The following SLC24A3 variants were observed in gnomAD, a reference collection of about 807,000 sequenced individuals.
The protein encoded by SLC24A3 is sodium/potassium/calcium exchanger 3.
A neutral mutation model predicts 75.8 loss-of-function variants in SLC24A3; 28 were observed. The ratio of observed to expected loss-of-function variants is 0.37; its 90% CI spans 0.27 to 0.51. The LOEUF (loss-of-function observed/expected upper bound fraction) is 0.51. Ranked by LOEUF, SLC24A3 falls within the 20% of genes least tolerant of loss-of-function variation. SLC24A3 has a pLI of 0.94. For missense variants in SLC24A3, 663 were observed against 847.8 expected (o/e 0.78, Z 2.71); for synonymous variants, 372 against 334.1 (o/e 1.11, Z -1.24).
intron 8 of SLC24A3, among the ~76,000 whole-genome samples, chr20:19,668,179 T>A (rs2032422616): frequency 6.6e-6 from 1 of 152,112 alleles, no homozygotes; most frequent in Non-Finnish European, 1.5e-5. Context: ...TGAAGAGCAT[T>A]TTGCACGTGA....
intron 6 of SLC24A3, among the ~76,000 whole-genome samples, chr20:19,602,064 C>T (rs969934735): frequency 6.6e-6 from 1 of 152,002 alleles, no homozygotes; most frequent in African/African-American, 2.4e-5. Flanking sequence ...ACCCCAGCAA[C>T]TTGGGAGGCT....
At chr20:19,375,290 C>A (rs1374807985) in intron 2 of SLC24A3, among the ~76,000 whole-genome samples, 2 of 152,204 alleles carry the variant, frequency 1.3e-5, no homozygotes, top group African/African-American at 4.8e-5. Flanking sequence ...GCTCAGAACA[C>A]CCTGTCTCAA....
chr20:19,452,162 C>G (rs182095461), intron 2 of SLC24A3, among the ~76,000 whole-genome samples: 5 of 152,268 alleles, frequency 3.3e-5, no homozygotes, highest in Admixed American at 2.0e-4. Context: ...CTTTTTCAAC[C>G]ACAGACCAAC....
At chr20:19,325,755 TAC>T (rs1219264175) in intron 2 of SLC24A3, among the ~76,000 whole-genome samples, 46 of 59,238 alleles carry the variant, frequency 7.8e-4, no homozygotes, top group African/African-American at 3.9e-3. Context: ...TGTGTGTGTA[TAC>T]ATACATACAT....
intron 2 of SLC24A3, among the ~76,000 whole-genome samples, chr20:19,470,536 C>T (rs150460857): frequency 1.3e-4 from 20 of 152,268 alleles, no homozygotes; most frequent in Admixed American, 2.0e-4. Flanking sequence ...AGCATTAAGT[C>T]TGTACGCTGA....
At chr20:19,582,420 C>T (rs2031230660) in intron 4 of SLC24A3, among the ~76,000 whole-genome samples, 1 of 152,200 alleles carries the variant, frequency 6.6e-6, no homozygotes, top group African/African-American at 2.4e-5. Flanking sequence ...CGAATCATTG[C>T]TTGGAGGTCA....
intron 2 of SLC24A3, among the ~76,000 whole-genome samples, chr20:19,346,109 GGT>G (rs1300005550): frequency 0.01 from 203 of 19,376 alleles, 24 homozygotes; most frequent in African/African-American, 0.055. Context: ...ATATATATAT[GGT>G]GTGTGTGTGT....
rs1184220699 is a variant in SLC24A3, at chr20:19,338,845, G to T, written c.271+57758G>T. Among the ~76,000 whole-genome samples the T allele has an allele frequency of 4.7e-4, 72 of 152,232 alleles. 1 individual carries two copies. Among genetic ancestry groups the T allele is most frequent in the Non-Finnish European group, 1.0e-4 (7 of 68,016 alleles). The stretch of plus-strand genomic sequence containing the variant: ...GAATAAGCCCTCACTCAATGATAGA[G>T]GTTATTAGCACGATTATTTTTATGA... On this transcript the variant is annotated intron_variant, in intron 2 of 16. Coordinates refer to ENST00000328041, the MANE Select transcript of SLC24A3 (RefSeq NM_020689.4).
chr20:19,720,821 C>T (rs1457619899), intron 16 of SLC24A3, among the ~76,000 whole-genome samples, 170 bp from the exon 17 acceptor site: 1 of 152,084 alleles, frequency 6.6e-6, no homozygotes, highest in African/African-American at 2.4e-5. Context: ...ATGTTCTCAC[C>T]TCCCACAATC....
chr20:19,582,814 C>T (rs1190236578), intron 4 of SLC24A3, among the ~76,000 whole-genome samples: 2 of 152,126 alleles, frequency 1.3e-5, no homozygotes, highest in Admixed American at 1.3e-4. Flanking sequence ...TGAACCAAAG[C>T]GCAGCGAGTG....
intron 6 of SLC24A3, among the ~76,000 whole-genome samples, chr20:19,634,563 G>C (rs1404933036): frequency 6.7e-6 from 1 of 149,818 alleles, no homozygotes; most frequent in East Asian, 1.9e-4. Context: ...ATCTAATAGT[G>C]CTCAACAATA....
intron 2 of SLC24A3, among the ~76,000 whole-genome samples, chr20:19,474,838 A>G (rs988750832): frequency 5.3e-5 from 8 of 152,160 alleles, no homozygotes; most frequent in African/African-American, 1.9e-4. Context: ...CTCTTAACTG[A>G]AACTTTAAAC....
chr20:19,573,732 A>C (rs1246648760), intron 3 of SLC24A3, among the ~76,000 whole-genome samples: 1 of 152,230 alleles, frequency 6.6e-6, no homozygotes, highest in Non-Finnish European at 1.5e-5. Flanking sequence ...GCACGCCGGA[A>C]GATAGGGTGA....
intron 6 of SLC24A3, among the ~76,000 whole-genome samples, chr20:19,606,026 C>A (rs1230392363): frequency 6.6e-6 from 1 of 152,210 alleles, no homozygotes; most frequent in Admixed American, 6.5e-5. Flanking sequence ...TATCCCCCAG[C>A]TGGACTTCCT....
At chr20:19,571,592 G>T (rs1425276238) in intron 3 of SLC24A3, among the ~76,000 whole-genome samples, 1 of 152,124 alleles carries the variant, frequency 6.6e-6, no homozygotes, top group Non-Finnish European at 1.5e-5. Context: ...TGACCTTCAA[G>T]AACACTAAAT....
At position 19,685,225 on chromosome 20, in the gene SLC24A3, T is replaced by G; in HGVS notation, c.1188T>G (p.Asn396Lys). 6.2e-7 allele frequency: 1 copy of G among 1,613,816 alleles called. No homozygotes were observed. Among genetic ancestry groups the G allele is most frequent in the African/African-American group, 1.3e-5 (1 of 74,900 alleles). Residue 396 changes from asparagine (N) to lysine (K), a missense_variant, in exon 12 of 17, where the codon AAT becomes AAG. Asn to Lys is a moderately conservative substitution (Grantham distance 94). This residue lies in a region of SLC24A3 where 510 missense variants were observed against 703.6 expected (regional missense o/e 0.72). Transcript: ENST00000328041. ...GCAGTGCCCCAGACAGGGGCGTGAATGGGACACGGAGGGACGATGTTGTGG... is the reference window on the plus strand; with the variant it reads ...GCAGTGCCCCAGACAGGGGCGTGAAGGGGACACGGAGGGACGATGTTGTGG... ...GPSSAPDRGV[N>K]GTRRDDVVAE...
chr20:19,676,612 A>T (rs2032526948), intron 9 of SLC24A3, among the ~76,000 whole-genome samples: 1 of 152,258 alleles, frequency 6.6e-6, no homozygotes, highest in East Asian at 1.9e-4. Flanking sequence ...AAACAGCAAC[A>T]GTAGTTAAGA....
intron 2 of SLC24A3, among the ~76,000 whole-genome samples, chr20:19,296,268 CTTTTTTTTTTT>C (rs35229035): frequency 1.4e-5 from 1 of 72,304 alleles, no homozygotes; most frequent in Non-Finnish European, 2.6e-5. Flanking sequence ...AGCTAGTGGT[CTTTTTTTTTTT>C]TTTTTTTCAA....
At chr20:19,685,063 C>T (rs781580473) in intron 11 of SLC24A3, 37 bp from the exon 12 acceptor site, 5 of 1,564,210 alleles carry the variant, frequency 3.2e-6, no homozygotes, top group African/African-American at 2.7e-5. Context: ...TTTGCAATCC[C>T]TCTGACCGTG....
Sources: allele counts gnomAD v4.1 joint callset (sites outside exome capture counted in the v4.1 genomes callset), GRCh38; gene constraint gnomAD v4.1.1; regional missense constraint gnomAD v4.1.1; transcripts MANE v1.5; gene names NCBI Gene and HGNC (gene_info 2026-07-23, HGNC 2026-07-21).